The following RGS6 variants were observed in gnomAD, a reference collection of about 807,000 sequenced individuals.
RGS6 encodes the protein regulator of G protein signaling 6, also known as regulator of G-protein signaling 6.
RGS6 carries 30 observed loss-of-function variants against 78.5 expected under a neutral mutation model. The observed-to-expected ratio is 0.38, with a 90% CI of 0.29 to 0.52. RGS6 has a LOEUF of 0.52. RGS6 is among the 20% of genes least tolerant of loss of function. The pLI is 0.85. For missense variants in RGS6, 495 were observed against 609.7 expected (o/e 0.81, Z 1.98); for synonymous variants, 206 against 206.0 (o/e 1.00, Z 0.00).
intron 2 of RGS6, among the ~76,000 whole-genome samples, chr14:72,284,159 A>G (rs2062066477): frequency 6.6e-6 from 1 of 152,234 alleles, no homozygotes; most frequent in South Asian, 2.1e-4. Context: ...GAAACAGAGC[A>G]TAAAAGTTCA....
At chr14:72,015,175 G>A (rs1033643987) in intron 2 of RGS6, among the ~76,000 whole-genome samples, 1 of 152,224 alleles carries the variant, frequency 6.6e-6, no homozygotes, top group African/African-American at 2.4e-5. Flanking sequence ...ACTCATGGAG[G>A]AAGGTGAGGG....
intron 2 of RGS6, among the ~76,000 whole-genome samples, chr14:72,190,965 T>C (rs2097316591): frequency 6.6e-6 from 1 of 152,200 alleles, no homozygotes; most frequent in Non-Finnish European, 1.5e-5. Context: ...TTCCCTTTCA[T>C]CACTAGCAAT....
intron 3 of RGS6, among the ~76,000 whole-genome samples, chr14:72,378,923 C>T (rs73291341): frequency 0.048 from 7,333 of 152,036 alleles, 346 homozygotes; most frequent in Middle Eastern, 0.13. Context: ...TGAACATAGA[C>T]ACAAAAATCC....
intron 15 of RGS6, among the ~76,000 whole-genome samples, chr14:72,532,981 TA>T (rs2097201254): frequency 6.6e-6 from 1 of 152,254 alleles, no homozygotes; most frequent in Admixed American, 6.5e-5. Context: ...TGAAGGTGGC[TA>T]CAGTAAACAA....
At chr14:72,576,054 T>C in the RGS6 span, among the ~76,000 whole-genome samples, 1 of 152,164 alleles carries the variant, frequency 6.6e-6, no homozygotes, top group Non-Finnish European at 1.5e-5. Context: ...AGCCATTTGG[T>C]TTTTCAGTCA....
intron 2 of RGS6, among the ~76,000 whole-genome samples, chr14:72,019,970 A>C (rs2088013797): frequency 6.6e-6 from 1 of 152,236 alleles, no homozygotes; most frequent in African/African-American, 2.4e-5. Flanking sequence ...GTGGTTGGGC[A>C]GTGACAGCCT....
At chr14:72,608,121 G>A in the RGS6 span, among the ~76,000 whole-genome samples, 151 of 152,226 alleles carry the variant, frequency 9.9e-4, 1 homozygote, top group Admixed American at 6.2e-3. Flanking sequence ...CCTTGACCCC[G>A]TTCATCACAT....
At chr14:72,093,332 C>T (rs11158948) in intron 2 of RGS6, among the ~76,000 whole-genome samples, 38,834 of 152,034 alleles carry the variant, frequency 0.26, 5,680 homozygotes, top group Non-Finnish European at 0.34. Context: ...GCCTCTACCT[C>T]CCCGGGCTCA....
At chr14:72,320,880 T>C (rs2071776791) in intron 2 of RGS6, among the ~76,000 whole-genome samples, 1 of 150,138 alleles carries the variant, frequency 6.7e-6, no homozygotes, top group Non-Finnish European at 1.5e-5. Context: ...CTTACTAAAG[T>C]ATATTAGTAA....
chr14:72,539,955 A>AGCT, intron 16 of RGS6, 86 bp from the exon 17 acceptor site: 1 of 1,176,178 alleles, frequency 8.5e-7, no homozygotes, highest in Non-Finnish European at 1.2e-6. Context: ...CTTTAGCTGC[A>AGCT]GCTGCTGCTG....
chr14:72,475,821 A>T (rs1598068538), intron 10 of RGS6, among the ~76,000 whole-genome samples: 1 of 98,308 alleles, frequency 1.0e-5, no homozygotes, highest in South Asian at 3.5e-4. Flanking sequence ...GCATTAAAAA[A>T]AAATACACGC....
At position 72,366,079 on chromosome 14, in the gene RGS6, C is replaced by T. The variant is rs2082390287; in HGVS notation, c.184+13885C>T. 4.6e-5 allele frequency among the ~76,000 whole-genome samples: 7 copies of T among 152,172 alleles called. No homozygotes were observed. The South Asian group carries it at 1.5e-3, about 32-fold the overall frequency. ...CTGGGAACTATAATTTTCACATCTT[C>T]TTCTATAAGCCATGTATTAGTCTAT... On this transcript the variant is annotated intron_variant, in intron 3 of 17. Coordinates refer to ENST00000553525, the MANE Select transcript of RGS6 (RefSeq NM_001204424.2).
chr14:72,467,802 C>T (rs1000764584), intron 7 of RGS6, among the ~76,000 whole-genome samples: 3 of 152,220 alleles, frequency 2.0e-5, no homozygotes, highest in Non-Finnish European at 4.4e-5. Flanking sequence ...CCAGTCATGC[C>T]CCTGTCTGCC....
intron 2 of RGS6, among the ~76,000 whole-genome samples, chr14:72,004,054 G>A (rs773626371): frequency 2.0e-5 from 3 of 152,166 alleles, no homozygotes; most frequent in Non-Finnish European, 2.9e-5. Context: ...GATTTAATTG[G>A]TATGGGGTAA....
intron 2 of RGS6, among the ~76,000 whole-genome samples, chr14:72,133,435 C>T (rs1483535621): frequency 6.6e-6 from 1 of 152,172 alleles, no homozygotes; most frequent in Non-Finnish European, 1.5e-5. Flanking sequence ...CACACTGAGA[C>T]TTTAAGCAGG....
At chr14:72,359,458 G>A (rs1441040711) in intron 3 of RGS6, among the ~76,000 whole-genome samples, 1 of 152,198 alleles carries the variant, frequency 6.6e-6, no homozygotes, top group African/African-American at 2.4e-5. Context: ...CGACCTATTA[G>A]ACATTCAGTT....
At chr14:71,976,411 C>T (rs541914671) in intron 2 of RGS6, among the ~76,000 whole-genome samples, 99 of 129,714 alleles carry the variant, frequency 7.6e-4, no homozygotes, top group Non-Finnish European at 1.4e-3. Context: ...TCCCTCCCCC[C>T]TCCCCCCACC....
intron 2 of RGS6, among the ~76,000 whole-genome samples, chr14:72,320,508 G>A (rs113437913): frequency 0.044 from 6,661 of 152,122 alleles, 447 homozygotes; most frequent in African/African-American, 0.15. Context: ...AACCCGAGAG[G>A]CAGAGCTTGC....
chr14:71,999,210 G>A (rs777783256), intron 2 of RGS6, among the ~76,000 whole-genome samples: 2 of 152,200 alleles, frequency 1.3e-5, no homozygotes, highest in Non-Finnish European at 2.9e-5. Context: ...AATTAAAACC[G>A]GAGAGCGTCA....
Sources: allele counts gnomAD v4.1 joint callset (sites outside exome capture counted in the v4.1 genomes callset), GRCh38; gene constraint gnomAD v4.1.1; transcripts MANE v1.5; gene names NCBI Gene and HGNC (gene_info 2026-07-23, HGNC 2026-07-21).